The following LMO4 variants were observed in gnomAD, a reference collection of about 807,000 sequenced individuals.
LMO4 encodes LIM domain transcription factor LMO4.
LMO4 carries 3 observed loss-of-function variants against 18.5 expected under a neutral mutation model. That is an observed-to-expected ratio of 0.16 (90% CI 0.07 to 0.42). The LOEUF (loss-of-function observed/expected upper bound fraction) is 0.42, where lower values mean the gene tolerates loss of function less well. Ranked by LOEUF, LMO4 falls within the 10% of genes least tolerant of loss-of-function variation. LMO4 has a pLI of 0.99. For synonymous variants in LMO4, 100 were observed against 88.1 expected (o/e 1.14, Z -0.76); for missense variants, 121 against 219.9 (o/e 0.55, Z 2.84).
chr1:87,339,986 T>C, intron 3 of LMO4, 61 bp from the exon 4 acceptor site: 2 of 1,562,638 alleles, frequency 1.3e-6, no homozygotes, highest in Non-Finnish European at 1.7e-6. Flanking sequence ...GTTATAAACT[T>C]GTGACCAAAA....
chr1:87,343,528 ACCTGTGC>A, intron 4 of LMO4, among the ~76,000 whole-genome samples: 1 of 152,112 alleles, frequency 6.6e-6, no homozygotes, highest in African/African-American at 2.4e-5. Flanking sequence ...ATCTAGAATT[ACCTGTGC>A]TTTTCAGTTT....
intron 2 of LMO4, among the ~76,000 whole-genome samples, chr1:87,333,725 A>G (rs1461401241): frequency 6.6e-6 from 1 of 152,210 alleles, no homozygotes; most frequent in Non-Finnish European, 1.5e-5. Context: ...TAATTTCACT[A>G]AGTGTTCTTT....
intron 2 of LMO4, among the ~76,000 whole-genome samples, chr1:87,336,008 A>C (rs1321035246): frequency 7.9e-6 from 1 of 127,036 alleles, no homozygotes; most frequent in African/African-American, 3.5e-5. Context: ...CTCTGAATTA[A>C]CCAAGCGTAA....
intron 4 of LMO4, among the ~76,000 whole-genome samples, chr1:87,344,260 A>G (rs1230824904): frequency 6.6e-6 from 1 of 152,250 alleles, no homozygotes; most frequent in Non-Finnish European, 1.5e-5. Flanking sequence ...TTAAGGGCCA[A>G]GCACTGTTGA....
At position 87,340,177 on chromosome 1, in the gene LMO4, G is replaced by T; in HGVS notation, c.464G>T (p.Ser155Ile). 1 of 1,614,140 alleles carries T rather than the reference G, an allele frequency of 6.2e-7. No homozygotes were observed. Among genetic ancestry groups the T allele is most frequent in the South Asian group, 1.1e-5 (1 of 91,082 alleles). The change falls in exon 4 of 5, where the codon AGC becomes ATC. Residue 155 changes from serine (S) to isoleucine (I), a missense_variant. Coordinates refer to ENST00000370544, the MANE Select transcript of LMO4 (RefSeq NM_006769.4). ...AATGGCCATTTGAATTCACTTCAGA[G>T]CAATCCACTACTGCCAGACCAGAAG... ...LINGHLNSLQSNPLLPDQKVC is the reference protein window; with the variant it reads ...LINGHLNSLQINPLLPDQKVC
At chr1:87,339,197 A>G (rs576335853) in intron 2 of LMO4, among the ~76,000 whole-genome samples, 12 of 152,054 alleles carry the variant, frequency 7.9e-5, no homozygotes, top group East Asian at 5.8e-4. Flanking sequence ...CAAGGACACA[A>G]TGCATTTAAA....
chr1:87,329,915 T>C (rs185655212), intron 1 of LMO4, among the ~76,000 whole-genome samples: 184 of 152,302 alleles, frequency 1.2e-3, no homozygotes, highest in Middle Eastern at 6.8e-3. Flanking sequence ...AGCTGCCAGT[T>C]CTGCTTTCTA....
chr1:87,335,212 T>C (rs893999662), intron 2 of LMO4, among the ~76,000 whole-genome samples: 1 of 152,164 alleles, frequency 6.6e-6, no homozygotes, highest in Admixed American at 6.5e-5. Flanking sequence ...ACTCCGTTTC[T>C]CTTCCTCGAA....
intron 4 of LMO4, 123 bp from the exon 5 acceptor site, chr1:87,344,665 G>T: frequency 1.0e-6 from 1 of 957,828 alleles, no homozygotes; most frequent in Non-Finnish European, 1.7e-6. Flanking sequence ...TCAAGTCACA[G>T]TTGGAAAGTA....
Position 87,329,090 on chromosome 1 carries a change from C to T in LMO4, c.-158C>T, listed in dbSNP as rs779182061. Reference sequence around the variant, plus strand: ...GATTTAAAAAAAAAAAAAAAGCCGCCCTTAGCCCCCTCCTCCCCTTTCCTG... The same window carrying T: ...GATTTAAAAAAAAAAAAAAAGCCGCTCTTAGCCCCCTCCTCCCCTTTCCTG... On this transcript the variant is annotated 5_prime_UTR_variant, in exon 1 of 5. Coordinates refer to ENST00000370544, the MANE Select transcript of LMO4 (RefSeq NM_006769.4). 2 of 151,716 alleles carry T rather than the reference C, an allele frequency of 1.3e-5. No homozygotes were observed. The highest frequency in any genetic ancestry group is 2.9e-5 in the Non-Finnish European group (2 of 67,938). 9.4% of individuals were successfully genotyped at this position (151,716 alleles called of 1,614,324 possible). A position where few individuals can be genotyped will look rare whatever the true frequency, so the allele number is the denominator to read the frequency against.
At chr1:87,339,386 G>A (rs754947591) in intron 2 of LMO4, 150 bp from the exon 3 acceptor site, 8 of 598,962 alleles carry the variant, frequency 1.3e-5, no homozygotes, top group Non-Finnish European at 2.4e-5. Context: ...CCCAGATTAT[G>A]TAAATCACTC....
chr1:87,338,549 T>C lies in LMO4; in HGVS notation c.237-987T>C, dbSNP rs117880849. Among the ~76,000 whole-genome samples, 8 of 152,358 alleles carry C rather than the reference T, an allele frequency of 5.3e-5. No homozygotes were observed. The East Asian group carries it at 1.3e-3, about 26-fold the overall frequency. On this transcript the variant is annotated intron_variant, in intron 2 of 4. Coordinates refer to ENST00000370544, the MANE Select transcript of LMO4 (RefSeq NM_006769.4). ...AAGCTTCCCAGGTTGAGTCTACAGATTGCATAAAAGCCCAAGTTCGGTGGT... is the reference window on the plus strand; with the variant it reads ...AAGCTTCCCAGGTTGAGTCTACAGACTGCATAAAAGCCCAAGTTCGGTGGT...
intron 2 of LMO4, among the ~76,000 whole-genome samples, chr1:87,332,560 G>C (rs1044855865): frequency 6.6e-6 from 1 of 152,234 alleles, no homozygotes; most frequent in East Asian, 1.9e-4. Context: ...CTGGACTTCA[G>C]GCTAAAAGCA....
intron 4 of LMO4, among the ~76,000 whole-genome samples, chr1:87,341,752 C>T (rs939441818): frequency 3.3e-5 from 5 of 152,114 alleles, no homozygotes; most frequent in Non-Finnish European, 7.4e-5. Context: ...CATAGAATAA[C>T]CATTTTAAGA....
At chr1:87,339,257 C>A (rs1338368474) in intron 2 of LMO4, among the ~76,000 whole-genome samples, 3 of 151,438 alleles carry the variant, frequency 2.0e-5, no homozygotes, top group African/African-American at 7.3e-5. Flanking sequence ...ACCTAGTAAT[C>A]TGATAAAATG....
chr1:87,339,677 C>A, intron 3 of LMO4, 45 bp downstream of exon 3: 1 of 1,223,656 alleles, frequency 8.2e-7, no homozygotes, highest in Non-Finnish European at 1.2e-6. Flanking sequence ...AAAATCATAC[C>A]TTTCCTACCT....
chr1:87,329,351 A>G (rs1650062281), intron 1 of LMO4, 107 bp downstream of exon 1: 1 of 152,172 alleles, frequency 6.6e-6, no homozygotes, highest in Non-Finnish European at 1.5e-5. Flanking sequence ...GACCGTCCCA[A>G]ATTGCAAGTA....
chr1:87,335,636 G>A (rs1410451409), intron 2 of LMO4, among the ~76,000 whole-genome samples: 1 of 152,096 alleles, frequency 6.6e-6, no homozygotes, highest in African/African-American at 2.4e-5. Context: ...GTTTGGGTAG[G>A]GGGTGGCGTT....
chr1:87,338,464 C>CA (rs1369867750), intron 2 of LMO4, among the ~76,000 whole-genome samples: 14 of 152,214 alleles, frequency 9.2e-5, no homozygotes, highest in Non-Finnish European at 1.8e-4. Context: ...AATGTGAAAT[C>CA]ATTTTGGTCT....
Sources: allele counts gnomAD v4.1 joint callset (sites outside exome capture counted in the v4.1 genomes callset), GRCh38; gene constraint gnomAD v4.1.1; transcripts MANE v1.5; gene names NCBI Gene and HGNC (gene_info 2026-07-23, HGNC 2026-07-21).